Variants in ZNF567 observed in about 807,000 individuals in gnomAD.
ZNF567 encodes zinc finger protein 567.
ZNF567 carries 36 observed loss-of-function variants against 53.9 expected under a neutral mutation model. The observed-to-expected ratio is 0.67, with a 90% CI of 0.51 to 0.88. The LOEUF (loss-of-function observed/expected upper bound fraction) is 0.88, where lower values mean the gene tolerates loss of function less well. Among genes scored for constraint, ZNF567 ranks in the 40% least tolerant of loss-of-function variants. The probability of loss-of-function intolerance (pLI) is 0.00; values close to 1 mark genes in which losing one functional copy is unlikely to be tolerated. For missense variants in ZNF567, 619 were observed against 764.7 expected, an observed-to-expected ratio of 0.81 and a Z score of 2.25; for synonymous variants, 224 against 260.4, an observed-to-expected ratio of 0.86 and a Z score of 1.35.
intron 3 of ZNF567, among the ~76,000 whole-genome samples, chr19:36,698,857 C>A (rs1012489741): frequency 1.3e-5 from 2 of 152,002 alleles, no homozygotes; most frequent in Admixed American, 1.3e-4. Flanking sequence ...AAAATTTTCT[C>A]CCATTTTGTA....
the ZNF567 span, among the ~76,000 whole-genome samples, chr19:36,670,391 TTTTACTATTTTTGTAAATAGTAAAAA>T: frequency 1.3e-5 from 2 of 152,262 alleles, no homozygotes; most frequent in Admixed American, 6.5e-5. Flanking sequence ...TAGTAATTTT[TTTTACTATTTTTGTAAATAGTAAAAA>T]TTTACTATTT....
intron 3 of ZNF567, among the ~76,000 whole-genome samples, chr19:36,702,617 T>C (rs2039261327): frequency 6.6e-6 from 1 of 152,140 alleles, no homozygotes; most frequent in Non-Finnish European, 1.5e-5. Flanking sequence ...GGAGGCTTTG[T>C]TCGTTTCTTT....
intron 3 of ZNF567, among the ~76,000 whole-genome samples, chr19:36,703,338 G>A (rs921276376): frequency 7.2e-6 from 1 of 138,322 alleles, no homozygotes; most frequent in Non-Finnish European, 1.5e-5. Context: ...TGCCCCTACT[G>A]GGGGGGGTGC....
upstream of ZNF567, chr19:36,686,688 C>T (rs950099651): frequency 6.6e-6 from 1 of 152,206 alleles, no homozygotes; most frequent in Non-Finnish European, 1.5e-5. Flanking sequence ...ACACTTACAA[C>T]TCGAAAAGCC....
chr19:36,700,406 C>T (rs910629908), intron 3 of ZNF567, among the ~76,000 whole-genome samples: 24 of 150,896 alleles, frequency 1.6e-4, no homozygotes, highest in Non-Finnish European at 2.7e-4. Context: ...TGTCTCTGCC[C>T]GGCTTTGGTA....
intron 2 of ZNF567, 23 bp from the exon 3 acceptor site, chr19:36,694,779 T>G: frequency 7.4e-7 from 1 of 1,356,544 alleles, no homozygotes; most frequent in Non-Finnish European, 9.9e-7. Flanking sequence ...GTGGCTTTTT[T>G]TGTCTCGGCT....
In ZNF567 at chr19:36,720,546, C is replaced by T; in HGVS notation, c.1822C>T (p.Gln608Ter). ...FRQKTNLIVH[Q>*]RTHTGEKPYV... ...CCAGAAGACAAATCTTATTGTACATCAGAGAACTCACACAGGTGAGAAACC... is the reference window on the plus strand; with the variant it reads ...CCAGAAGACAAATCTTATTGTACATTAGAGAACTCACACAGGTGAGAAACC... Residue 608 changes from glutamine (Q) to a stop codon, truncating the protein, a stop_gained, in exon 6 of 6, where the codon CAG (glutamine) becomes TAG (stop). Coordinates refer to ENST00000682579, the MANE Select transcript of ZNF567 (RefSeq NM_001322917.1). LOFTEE classifies it high-confidence loss of function. 6.2e-7 allele frequency: 1 copy of T among 1,614,116 alleles called. No individual in the cohort carries two copies. Among genetic ancestry groups the T allele is most frequent in the Non-Finnish European group, 8.5e-7 (1 of 1,180,026 alleles).
chr19:36,672,209 G>C, the ZNF567 span, among the ~76,000 whole-genome samples: 1 of 152,232 alleles, frequency 6.6e-6, no homozygotes, highest in East Asian at 1.9e-4. Context: ...CCTAGAAGGA[G>C]AAATAGCCAG....
intron 3 of ZNF567, among the ~76,000 whole-genome samples, chr19:36,709,517 T>G (rs912066084): frequency 9.9e-5 from 15 of 151,440 alleles, no homozygotes; most frequent in African/African-American, 3.6e-4. Flanking sequence ...ACTCCAGAGA[T>G]AGAGATCTCA....
chr19:36,703,467 A>G (rs1200254501), intron 3 of ZNF567, among the ~76,000 whole-genome samples: 4 of 152,096 alleles, frequency 2.6e-5, no homozygotes, highest in African/African-American at 9.7e-5. Context: ...AAGCTGTCAG[A>G]CAGGGACATT....
chr19:36,726,701 C>T (rs527582085), downstream of ZNF567, among the ~76,000 whole-genome samples: 6 of 152,304 alleles, frequency 3.9e-5, no homozygotes, highest in East Asian at 1.9e-4. Context: ...ATGCCTACTC[C>T]GACACTGGCC....
At chr19:36,682,576 G>GTT in the ZNF567 span, among the ~76,000 whole-genome samples, 1 of 143,754 alleles carries the variant, frequency 7.0e-6, no homozygotes, top group Non-Finnish European at 1.5e-5. Flanking sequence ...GGTTGCATGG[G>GTT]TTTTTTTTTT....
Position 36,712,763 on chromosome 19 carries a change from CT to C in ZNF567, c.137-11del. 1.2e-6 allele frequency: 2 copies of C among 1,609,652 alleles called. No individual in the cohort carries two copies. Among genetic ancestry groups the C allele is most frequent in the African/African-American group, 2.7e-5 (2 of 74,806 alleles). On this transcript the variant is annotated splice_polypyrimidine_tract_variant and intron_variant, in intron 4 of 5. Coordinates refer to ENST00000682579, the MANE Select transcript of ZNF567 (RefSeq NM_001322917.1). The stretch of plus-strand genomic sequence containing the variant: ...GTATTATAGCCCAATCAACTTAAGT[CT>C]TTTTTTCACTTTTCAGGGTGTCACA...
At chr19:36,711,479 C>T (rs2039785373) in intron 3 of ZNF567, 1 of 152,184 alleles carries the variant, frequency 6.6e-6, no homozygotes, top group Non-Finnish European at 1.5e-5. Context: ...CAAGGATAAG[C>T]TCTTTTCCAG....
At chr19:36,712,227 T>C (rs1352343356) in intron 3 of ZNF567, 159 bp from the exon 4 acceptor site, 2 of 605,118 alleles carry the variant, frequency 3.3e-6, no homozygotes, top group Admixed American at 6.2e-5. Flanking sequence ...TTTGTATTTT[T>C]AGTAGACATG....
chr19:36,679,165 C>A, the ZNF567 span, among the ~76,000 whole-genome samples: 1 of 151,390 alleles, frequency 6.6e-6, no homozygotes. Context: ...ACGCACCTGT[C>A]GTCCCAGATA....
At chr19:36,717,165 T>C (rs1050021096) in intron 5 of ZNF567, among the ~76,000 whole-genome samples, 4 of 152,186 alleles carry the variant, frequency 2.6e-5, no homozygotes, top group Admixed American at 1.3e-4. Context: ...TATTTATTTC[T>C]ATGAAGAAGG....
chr19:36,676,321 C>T, the ZNF567 span, among the ~76,000 whole-genome samples: 3 of 151,944 alleles, frequency 2.0e-5, no homozygotes, highest in South Asian at 6.2e-4. Context: ...CCGCCTCAAC[C>T]TCCCGAAGTG....
chr19:36,713,234 C>T (rs2039877662), intron 5 of ZNF567, among the ~76,000 whole-genome samples: 2 of 152,076 alleles, frequency 1.3e-5, no homozygotes, highest in Admixed American at 1.3e-4. Flanking sequence ...ATGGGCAGAT[C>T]CCTTGAGCCC....
Sources: allele counts gnomAD v4.1 joint callset (sites outside exome capture counted in the v4.1 genomes callset), GRCh38; gene constraint gnomAD v4.1.1; transcripts MANE v1.5; gene names NCBI Gene and HGNC (gene_info 2026-07-23, HGNC 2026-07-21).